CCDC192: variants seen among roughly 807,000 people sequenced by gnomAD.
CCDC192 encodes the protein coiled-coil domain-containing protein 192.
intron 6 of CCDC192, among the ~76,000 whole-genome samples, chr5:127,901,715 C>T (rs1220524168): frequency 6.6e-6 from 1 of 152,166 alleles, no homozygotes; most frequent in Non-Finnish European, 1.5e-5. Context: ...TTCCATTCCA[C>T]ACATGTTTGA....
intron 3 of CCDC192, among the ~76,000 whole-genome samples, chr5:127,795,819 C>T (rs1561492933): frequency 1.3e-5 from 2 of 152,026 alleles, no homozygotes; most frequent in Non-Finnish European, 2.9e-5. Context: ...TTAACCATTA[C>T]ACTATACTGT....
At chr5:127,797,758 TATATATATA>T (rs1561494104) in intron 4 of CCDC192, among the ~76,000 whole-genome samples, 2,354 of 28,354 alleles carry the variant, frequency 0.083, 109 homozygotes, top group African/African-American at 0.14. Flanking sequence ...TATATATATA[TATATATATA>T]TATATATATA....
intron 5 of CCDC192, among the ~76,000 whole-genome samples, chr5:127,869,285 C>T (rs1181712721): frequency 6.6e-6 from 1 of 152,164 alleles, no homozygotes; most frequent in Admixed American, 6.5e-5. Context: ...GATTACACCA[C>T]TGCGTTCCAC....
At chr5:127,936,784 A>T (rs549849341) in intron 6 of CCDC192, among the ~76,000 whole-genome samples, 2 of 152,332 alleles carry the variant, frequency 1.3e-5, no homozygotes, top group South Asian at 4.1e-4. Context: ...GTCAGATAAC[A>T]GCACCTCCAG....
intron 6 of CCDC192, among the ~76,000 whole-genome samples, chr5:127,907,341 T>C (rs1000454693): frequency 1.1e-4 from 16 of 152,182 alleles, no homozygotes; most frequent in African/African-American, 3.1e-4. Flanking sequence ...TGTTTTATTT[T>C]ACCTAATTTA....
At chr5:127,927,135 C>T (rs1185216077) in intron 6 of CCDC192, among the ~76,000 whole-genome samples, 1 of 151,904 alleles carries the variant, frequency 6.6e-6, no homozygotes, top group African/African-American at 2.4e-5. Flanking sequence ...ACAGCCGTTC[C>T]CTTTTATGCA....
At chr5:127,817,604 C>A (rs1749082785) in intron 5 of CCDC192, among the ~76,000 whole-genome samples, 1 of 152,010 alleles carries the variant, frequency 6.6e-6, no homozygotes, top group Non-Finnish European at 1.5e-5. Flanking sequence ...TGCCATTGGC[C>A]TGAGGGGGTG....
At chr5:127,839,770 C>T (rs1283176013) in intron 5 of CCDC192, among the ~76,000 whole-genome samples, 4 of 151,900 alleles carry the variant, frequency 2.6e-5, no homozygotes, top group African/African-American at 9.7e-5. Context: ...TATTTCATCA[C>T]ACTAAGAGTC....
intron 1 of CCDC192, among the ~76,000 whole-genome samples, chr5:127,707,037 T>A (rs1446731028): frequency 6.6e-6 from 1 of 152,176 alleles, no homozygotes; most frequent in African/African-American, 2.4e-5. Flanking sequence ...TGTAAAATAA[T>A]CACTGGGTTT....
intron 3 of CCDC192, among the ~76,000 whole-genome samples, chr5:127,793,419 A>G (rs1437707263): frequency 6.6e-6 from 1 of 152,230 alleles, no homozygotes; most frequent in African/African-American, 2.4e-5. Context: ...CTTTAAGTAT[A>G]TAAGTTAAGA....
chr5:127,868,751 G>A (rs1260802163), intron 5 of CCDC192, among the ~76,000 whole-genome samples: 3 of 151,960 alleles, frequency 2.0e-5, no homozygotes, highest in Non-Finnish European at 4.4e-5. Context: ...TGGGCGTGGC[G>A]GTGGGCGCCC....
intron 5 of CCDC192, among the ~76,000 whole-genome samples, chr5:127,859,313 G>A (rs1751254089): frequency 6.6e-6 from 1 of 151,830 alleles, no homozygotes. Context: ...TTTCTGAGAG[G>A]GTCTTCTCCA....
intron 3 of CCDC192, 32 bp from the exon 4 acceptor site, chr5:127,797,071 C>T (rs1757202661): frequency 2.5e-6 from 1 of 395,842 alleles, no homozygotes; most frequent in African/African-American, 2.1e-5. Flanking sequence ...TATCACTGTA[C>T]TTACATACTC....
intron 2 of CCDC192, among the ~76,000 whole-genome samples, chr5:127,748,659 G>C (rs78670094): frequency 0.2 from 23,213 of 114,410 alleles, 2,889 homozygotes; most frequent in Middle Eastern, 0.32. Context: ...GCATTGGTAG[G>C]TTGATGGGGA....
chr5:127,704,907 TTGGTGACTA>T (rs2126766417), intron 1 of CCDC192, among the ~76,000 whole-genome samples: 1 of 151,942 alleles, frequency 6.6e-6, no homozygotes, highest in South Asian at 2.1e-4. Context: ...CCCAGGCTAA[TTGGTGACTA>T]GTCCTCCAAT....
At chr5:127,884,528 C>T (rs1752492927) in intron 6 of CCDC192, among the ~76,000 whole-genome samples, 1 of 152,002 alleles carries the variant, frequency 6.6e-6, no homozygotes, top group Admixed American at 6.6e-5. Context: ...AACAGAGCTT[C>T]CACAGTCTAC....
intron 6 of CCDC192, among the ~76,000 whole-genome samples, chr5:127,938,785 T>C (rs756687986): frequency 2.0e-5 from 3 of 152,244 alleles, no homozygotes; most frequent in Non-Finnish European, 2.9e-5. Context: ...TTCCATTGCT[T>C]AATGGTCACA....
At chr5:127,851,090 G>C (rs1238131822) in intron 5 of CCDC192, among the ~76,000 whole-genome samples, 1 of 152,186 alleles carries the variant, frequency 6.6e-6, no homozygotes, top group African/African-American at 2.4e-5. Flanking sequence ...GACTAGTTCT[G>C]CTGCAGGATT....
intron 3 of CCDC192, among the ~76,000 whole-genome samples, chr5:127,790,910 G>A (rs1756831796): frequency 6.6e-6 from 1 of 152,146 alleles, no homozygotes; most frequent in Non-Finnish European, 1.5e-5. Context: ...GAAAAAGAAA[G>A]CTCAGGCTAA....
Sources: gnomAD v4.1 joint callset for allele counts (sites outside exome capture counted in the v4.1 genomes callset) on GRCh38, gnomAD v4.1.1 for gene constraint, MANE v1.5 for transcripts, NCBI Gene and HGNC (gene_info 2026-07-23, HGNC 2026-07-21) for gene names.